The following HMG20A variants were observed in gnomAD, a reference collection of about 807,000 sequenced individuals.
HMG20A encodes the protein high mobility group 20A.
In HMG20A, 17 loss-of-function variants were observed where a neutral mutation model predicts 43.9. That is an observed-to-expected ratio of 0.39 (90% confidence interval 0.27 to 0.58). The LOEUF is 0.58. Among genes scored for constraint, HMG20A ranks in the 20% least tolerant of loss-of-function variants. The probability of loss-of-function intolerance (pLI) is 0.59; values close to 1 mark genes in which losing one functional copy is unlikely to be tolerated. For synonymous variants in HMG20A, 132 were observed against 147.5 expected (o/e 0.89, Z 0.76); for missense variants, 341 against 438.2 (o/e 0.78, Z 1.98).
intron 1 of HMG20A, among the ~76,000 whole-genome samples, chr15:77,437,393 T>C (rs931684830): frequency 2.6e-5 from 4 of 152,184 alleles, no homozygotes; most frequent in Admixed American, 2.0e-4. Flanking sequence ...CGGGAAGTAC[T>C]TCATAGGTGT....
At chr15:77,488,388 G>C (rs893691445), downstream of HMG20A, among the ~76,000 whole-genome samples, 5 of 152,164 alleles carry the variant, frequency 3.3e-5, no homozygotes, top group East Asian at 9.6e-4. Context: ...GGGAAGGACA[G>C]ACTTGTACAT....
chr15:77,486,987 G>A (rs1211093198), downstream of HMG20A, among the ~76,000 whole-genome samples: 2 of 152,194 alleles, frequency 1.3e-5, no homozygotes, highest in African/African-American at 2.4e-5. Context: ...TTAAAGGCTA[G>A]TATGGAGGCT....
Position 77,471,780 on chromosome 15 carries a change from T to C in HMG20A, c.584-3T>C. On this transcript the variant is annotated splice_region_variant and splice_polypyrimidine_tract_variant and intron_variant, in intron 5 of 9. Coordinates refer to ENST00000336216, the MANE Select transcript of HMG20A (RefSeq NM_001304504.2). Reference sequence around the variant, plus strand: ...ATGTTCTCTTATTCTTTTATATTTTTAGATGCAGCCCGGCAGGCCACTCAT... The same window carrying C: ...ATGTTCTCTTATTCTTTTATATTTTCAGATGCAGCCCGGCAGGCCACTCAT... 6.4e-7 allele frequency: 1 copy of C among 1,573,792 alleles called. No individual in the cohort carries two copies. Among genetic ancestry groups the C allele is most frequent in the Non-Finnish European group, 8.7e-7 (1 of 1,148,536 alleles).
chr15:77,441,171 T>C (rs1038203992), intron 1 of HMG20A, among the ~76,000 whole-genome samples: 2 of 152,138 alleles, frequency 1.3e-5, no homozygotes, highest in Non-Finnish European at 2.9e-5. Context: ...AACCTTGGTT[T>C]GGAGCTTTTG....
the HMG20A span, among the ~76,000 whole-genome samples, chr15:77,501,099 G>A: frequency 6.6e-6 from 1 of 152,180 alleles, no homozygotes; most frequent in African/African-American, 2.4e-5. Flanking sequence ...TGGCTATTCA[G>A]TCCTGTCTCT....
chr15:77,422,992 G>A lies in HMG20A; in HGVS notation c.-5+1988G>A, dbSNP rs552622844. Reference sequence around the variant, plus strand: ...GTAGTGTTAGGAATTATTGAAGTATGGAAAGATTGTAGAACTAAATGAAAA... The same window carrying A: ...GTAGTGTTAGGAATTATTGAAGTATAGAAAGATTGTAGAACTAAATGAAAA... On this transcript the variant is annotated intron_variant, in intron 1 of 9. Transcript: ENST00000336216. Among the ~76,000 whole-genome samples, 124 of 152,218 alleles carry A rather than the reference G, an allele frequency of 8.1e-4. 1 individual carries two copies. The highest frequency in any genetic ancestry group is 1.5e-3 in the Non-Finnish European group (101 of 68,004).
At chr15:77,439,524 C>T (rs1002999613) in intron 1 of HMG20A, among the ~76,000 whole-genome samples, 1 of 152,086 alleles carries the variant, frequency 6.6e-6, no homozygotes, top group Admixed American at 6.5e-5. Context: ...CTTCTTGGCT[C>T]ATCATTATAT....
At chr15:77,513,008 A>C in the HMG20A span, among the ~76,000 whole-genome samples, 1 of 152,236 alleles carries the variant, frequency 6.6e-6, no homozygotes, top group Non-Finnish European at 1.5e-5. Context: ...GAGCCATTCT[A>C]CAAAATGACC....
the HMG20A span, among the ~76,000 whole-genome samples, chr15:77,513,743 T>C: frequency 2.0e-5 from 3 of 151,882 alleles, no homozygotes; most frequent in African/African-American, 7.3e-5. Context: ...TTTTTTTTTT[T>C]TTTGATGGAG....
intron 1 of HMG20A, among the ~76,000 whole-genome samples, chr15:77,432,722 CAAAAAAA>C (rs34459644): frequency 2.6e-5 from 2 of 77,744 alleles, no homozygotes; most frequent in African/African-American, 1.2e-4. Flanking sequence ...AACTCCGACT[CAAAAAAA>C]AAAAAAAAAA....
At chr15:77,508,806 G>A in the HMG20A span, among the ~76,000 whole-genome samples, 2,491 of 152,348 alleles carry the variant, frequency 0.016, 67 homozygotes, top group African/African-American at 0.057. Flanking sequence ...AATGCTGTAA[G>A]ACTTCCTGAC....
intron 9 of HMG20A, among the ~76,000 whole-genome samples, chr15:77,480,664 G>A (rs1217305673): frequency 2.7e-5 from 4 of 145,716 alleles, no homozygotes; most frequent in Admixed American, 1.4e-4. Context: ...GCAAAAAAGA[G>A]AGAGAAAATA....
chr15:77,487,756 G>T (rs2072953230), downstream of HMG20A, among the ~76,000 whole-genome samples: 1 of 152,158 alleles, frequency 6.6e-6, no homozygotes, highest in African/African-American at 2.4e-5. Flanking sequence ...AGAATTTCCT[G>T]CCTTGCAACT....
chr15:77,456,242 T>C (rs1259039632), intron 1 of HMG20A, among the ~76,000 whole-genome samples: 1 of 152,224 alleles, frequency 6.6e-6, no homozygotes, highest in Non-Finnish European at 1.5e-5. Flanking sequence ...AGGGTCATGT[T>C]GGCATAGTGG....
downstream of HMG20A, among the ~76,000 whole-genome samples, chr15:77,489,536 A>C (rs759079007): frequency 6.6e-6 from 1 of 152,228 alleles, no homozygotes; most frequent in Non-Finnish European, 1.5e-5. Context: ...TGCGTTAGAA[A>C]TTGTTCTGGG....
chr15:77,505,589 T>C, the HMG20A span, among the ~76,000 whole-genome samples: 1 of 152,228 alleles, frequency 6.6e-6, no homozygotes, highest in African/African-American at 2.4e-5. Flanking sequence ...CTTCTCCGCA[T>C]GTTCAAGAAA....
chr15:77,427,046 T>C (rs970577312), intron 1 of HMG20A, among the ~76,000 whole-genome samples: 2 of 152,142 alleles, frequency 1.3e-5, no homozygotes, highest in African/African-American at 4.8e-5. Flanking sequence ...GTATATGGTC[T>C]TTTTGGTTTC....
chr15:77,452,479 G>A (rs925412765), intron 1 of HMG20A, among the ~76,000 whole-genome samples: 13 of 152,190 alleles, frequency 8.5e-5, no homozygotes, highest in African/African-American at 2.9e-4. Flanking sequence ...AAGATGAGAT[G>A]TGAAGGATAA....
chr15:77,474,769 A>C (rs1355110136), intron 6 of HMG20A, among the ~76,000 whole-genome samples: 2 of 152,218 alleles, frequency 1.3e-5, no homozygotes, highest in Non-Finnish European at 2.9e-5. Flanking sequence ...AGGCTGGTAC[A>C]CAATGTTAAG....
Sources: allele counts gnomAD v4.1 joint callset (sites outside exome capture counted in the v4.1 genomes callset), GRCh38; gene constraint gnomAD v4.1.1; transcripts MANE v1.5; gene names NCBI Gene and HGNC (gene_info 2026-07-23, HGNC 2026-07-21).